WDR91: variants seen among roughly 807,000 people sequenced by gnomAD.
The protein encoded by WDR91 is WD repeat-containing protein 91.
WDR91 carries 52 observed loss-of-function variants against 88.4 expected under a neutral mutation model. The observed-to-expected ratio is 0.59, with a 90% CI of 0.47 to 0.74. The LOEUF is 0.74. Ranked by LOEUF, WDR91 falls within the 30% of genes least tolerant of loss-of-function variation. The pLI, the probability that WDR91 is intolerant of heterozygous loss-of-function variation, is 0.00. For missense variants in WDR91, 824 were observed against 954.5 expected (o/e 0.86, Z 1.80); for synonymous variants, 362 against 389.5 (o/e 0.93, Z 0.83).
At chr7:135,210,982 G>GT in intron 1 of WDR91, 3 of 696,130 alleles carry the variant, frequency 4.3e-6, no homozygotes, top group Non-Finnish European at 7.9e-6. Context: ...CGCAGCTAAC[G>GT]TTTTGGACTG....
Position 135,184,588 on chromosome 7 carries a change from G to T in WDR91, c.*1563C>A, listed in dbSNP as rs1178472228. On this transcript the variant is annotated 3_prime_UTR_variant, in exon 15 of 15. Coordinates refer to ENST00000354475, the MANE Select transcript of WDR91 (RefSeq NM_014149.4). Reference sequence around the variant, plus strand: ...TAGTGGGAAGATATGCCTCTTCAAGGTCCCACCCCAGCCAGGGAGGAGAGG... The same window carrying T: ...TAGTGGGAAGATATGCCTCTTCAAGTTCCCACCCCAGCCAGGGAGGAGAGG... The T allele has an allele frequency of 6.6e-6, 1 of 152,338 alleles. No homozygotes were observed. Among genetic ancestry groups the T allele is most frequent in the Non-Finnish European group, 1.5e-5 (1 of 68,166 alleles). The allele number at this position is 152,338 out of a possible 1,614,324, so 9.4% of individuals were successfully genotyped here.
intron 5 of WDR91, among the ~76,000 whole-genome samples, chr7:135,205,541 T>A (rs961776773): frequency 1.3e-5 from 2 of 152,132 alleles, no homozygotes; most frequent in Non-Finnish European, 2.9e-5. Context: ...GTGGATCACT[T>A]GATGTCAGGA....
intron 6 of WDR91, among the ~76,000 whole-genome samples, chr7:135,202,643 A>G (rs1831615106): frequency 6.6e-6 from 1 of 152,198 alleles, no homozygotes; most frequent in South Asian, 2.1e-4. Flanking sequence ...AGCTGTCTCT[A>G]TGTTTTCTTT....
At chr7:135,197,957 T>A in intron 7 of WDR91, 36 bp downstream of exon 7, 1 of 1,598,430 alleles carries the variant, frequency 6.3e-7, no homozygotes, top group Non-Finnish European at 8.6e-7. Context: ...AGTAGCTGCA[T>A]GAGTGTCCCC....
In WDR91 at chr7:135,211,466, G is replaced by A. The variant is rs772412939; in HGVS notation, c.37C>T (p.Arg13Trp). 3.7e-6 allele frequency: 6 copies of A among 1,611,902 alleles called. No individual in the cohort carries two copies. The highest frequency in any genetic ancestry group is 1.1e-5 in the South Asian group (1 of 90,962). ...EAVERTDELV[R>W]EYLLFRGFTH... The stretch of plus-strand genomic sequence containing the variant: ...AACCCGCGGAAGAGCAGGTACTCCC[G>A]GACCAGCTCGTCAGTGCGCTCCACG... Residue 13 changes from arginine to tryptophan, a missense_variant, in exon 1 of 15, where the codon CGG becomes TGG. Transcript: ENST00000354475.
intron 3 of WDR91, 24 bp downstream of exon 3, chr7:135,208,767 A>C (rs1408126806): frequency 3.2e-6 from 5 of 1,553,418 alleles, no homozygotes; most frequent in Non-Finnish European, 4.4e-6. Flanking sequence ...CTGGGCCTTC[A>C]GCCCCAGGCA....
intron 6 of WDR91, chr7:135,202,347 T>C (rs1831604461): frequency 6.6e-6 from 1 of 152,204 alleles, no homozygotes; most frequent in Non-Finnish European, 1.5e-5. Flanking sequence ...TCATCTACCA[T>C]TAATAAAAAA....
intron 2 of WDR91, 193 bp downstream of exon 2, chr7:135,209,383 A>T (rs112082253): frequency 2.0e-6 from 1 of 506,758 alleles, no homozygotes; most frequent in African/African-American, 2.0e-5. Context: ...AATGGGGAAG[A>T]CAAGTCAGAT....
intron 13 of WDR91, among the ~76,000 whole-genome samples, chr7:135,187,702 C>T (rs1831004316): frequency 6.6e-6 from 1 of 152,214 alleles, no homozygotes; most frequent in Admixed American, 6.5e-5. Flanking sequence ...CTTATCATAG[C>T]AGACATCATC....
At position 135,206,201 on chromosome 7, in the gene WDR91, A is replaced by G. The variant is rs1228022083; in HGVS notation, c.595-143T>C. ...TCAAGGGGCCCATCTCACTCTGCTC[A>G]CTGCAGACTGGGAAAAGTGACTGCT... On this transcript the variant is annotated intron_variant, in intron 4 of 14. Transcript: ENST00000354475. 3 of 1,032,084 alleles carry G rather than the reference A, an allele frequency of 2.9e-6. No individual in the cohort carries two copies. The East Asian group carries it at 7.3e-5, about 25-fold the overall frequency. The allele number at this position is 1,032,084 out of a possible 1,614,324, so 63.9% of individuals were successfully genotyped here. A position where few individuals can be genotyped will look rare whatever the true frequency, so the allele number is the denominator to read the frequency against.
intron 11 of WDR91, among the ~76,000 whole-genome samples, chr7:135,192,679 A>G (rs1276201556): frequency 6.6e-6 from 1 of 152,246 alleles, no homozygotes; most frequent in African/African-American, 2.4e-5. Context: ...TTCAACATAA[A>G]GGCCATATGA....
In WDR91 at chr7:135,196,026, T is replaced by G. The variant is rs991346338; in HGVS notation, c.1244+118A>C. 3.9e-6 allele frequency: 4 copies of G among 1,015,672 alleles called. No individual in the cohort carries two copies. In the African/African-American group the frequency reaches 6.6e-5, roughly 17 times the overall value. 62.9% of individuals were successfully genotyped at this position (1,015,672 alleles called of 1,614,324 possible). A position where few individuals can be genotyped will look rare whatever the true frequency, so the allele number is the denominator to read the frequency against. Reference sequence around the variant, plus strand: ...ACCGACTCCCATGACTCTACTGCCATGACTGTGGCCCTCGTCCAAGCCCCC... The same window carrying G: ...ACCGACTCCCATGACTCTACTGCCAGGACTGTGGCCCTCGTCCAAGCCCCC... On this transcript the variant is annotated intron_variant, in intron 8 of 14. Coordinates refer to ENST00000354475, the MANE Select transcript of WDR91 (RefSeq NM_014149.4). This position sits in a 1 kb window ranked among gnomAD's most constrained non-coding sequence, Gnocchi z 4.2.
chr7:135,189,450 G>C lies in WDR91; in HGVS notation c.1662C>G (p.Leu554=). The C allele has an allele frequency of 6.2e-7, 1 of 1,613,416 alleles. No individual in the cohort carries two copies. The highest frequency in any genetic ancestry group is 2.2e-5 in the East Asian group (1 of 44,882). Residue 554 remains leucine (L), a splice_region_variant and synonymous_variant, in exon 12 of 15, where the codon CTC becomes CTG. Coordinates refer to ENST00000354475, the MANE Select transcript of WDR91 (RefSeq NM_014149.4). ...LWDTKTMKQQ[L]QFSLDPEPIA... ...TGGGTTCTGGATCCAGGGAGAACTG[G>C]AGCTATTGAAATAAAACAAAAATGT...
intron 12 of WDR91, 149 bp from the exon 13 acceptor site, chr7:135,188,694 A>G (rs1831046149): frequency 7.5e-6 from 5 of 663,164 alleles, no homozygotes; most frequent in Non-Finnish European, 1.3e-5. Flanking sequence ...GAGCGCCATA[A>G]AGCTGCCCCT....
Position 135,193,523 on chromosome 7 carries a change from C to T in WDR91, c.1490+55G>A, listed in dbSNP as rs186475969. The T allele has an allele frequency of 2.8e-4, 455 of 1,611,860 alleles. 2 individuals carry two copies. The African/African-American group carries it at 5.4e-3, about 19-fold the overall frequency. ...TAGGCTTGGGAAAGGACCAGCCCCGCGGACCACACTTGGCAGCCTGCGGCC... is the reference window on the plus strand; with the variant it reads ...TAGGCTTGGGAAAGGACCAGCCCCGTGGACCACACTTGGCAGCCTGCGGCC... On this transcript the variant is annotated intron_variant, in intron 10 of 14. Transcript: ENST00000354475.
At chr7:135,199,858 G>A (rs1395325039) in intron 6 of WDR91, 8 of 152,198 alleles carry the variant, frequency 5.3e-5, no homozygotes, top group Admixed American at 5.2e-4. Flanking sequence ...ATGGAAGGAG[G>A]AGGCTTCGAA....
chr7:135,206,466 G>GA (rs1282897480), intron 4 of WDR91, among the ~76,000 whole-genome samples: 3 of 150,446 alleles, frequency 2.0e-5, no homozygotes, highest in Non-Finnish European at 4.4e-5. Context: ...TTTGCCTGAA[G>GA]AAAATTACAT....
intron 6 of WDR91, chr7:135,199,545 G>C (rs1022874014): frequency 1.3e-5 from 2 of 152,230 alleles, no homozygotes; most frequent in African/African-American, 4.8e-5. Context: ...CAGTTGTGTC[G>C]TGTCCTGTTT....
At chr7:135,203,274 G>A (rs914334213) in intron 6 of WDR91, among the ~76,000 whole-genome samples, 9 of 152,182 alleles carry the variant, frequency 5.9e-5, no homozygotes, top group African/African-American at 2.2e-4. Flanking sequence ...CTACCTCCCT[G>A]GGTACAGCGA....
Sources: allele counts gnomAD v4.1 joint callset (sites outside exome capture counted in the v4.1 genomes callset), GRCh38; gene constraint gnomAD v4.1.1; non-coding constraint Gnocchi (gnomAD v3.1); transcripts MANE v1.5; gene names NCBI Gene and HGNC (gene_info 2026-07-23, HGNC 2026-07-21).